Variants in COL13A1 observed in about 807,000 individuals in gnomAD.
COL13A1 encodes collagen type XIII alpha 1 chain, also known as collagen alpha-1(XIII) chain.
Under a neutral mutation model 130.9 loss-of-function variants are expected in COL13A1, and 89 were observed. The observed-to-expected ratio is 0.68, with a 90% confidence interval of 0.57 to 0.81. COL13A1 has a LOEUF of 0.81. Ranked by LOEUF, COL13A1 falls within the 30% of genes least tolerant of loss-of-function variation. COL13A1 has a pLI of 0.00. For synonymous variants in COL13A1, 402 were observed against 341.6 expected, an observed-to-expected ratio of 1.18 and a Z score of -1.95; for missense variants, 879 against 934.6, an observed-to-expected ratio of 0.94 and a Z score of 0.78.
intron 4 of COL13A1, among the ~76,000 whole-genome samples, chr10:69,872,416 T>C (rs1249139341): frequency 6.6e-6 from 1 of 152,194 alleles, no homozygotes; most frequent in Non-Finnish European, 1.5e-5. Context: ...CTGGGGCATC[T>C]TTAGCTACAG....
intron 2 of COL13A1, among the ~76,000 whole-genome samples, chr10:69,835,788 G>C (rs1319845906): frequency 6.6e-6 from 1 of 152,222 alleles, no homozygotes; most frequent in Non-Finnish European, 1.5e-5. Context: ...GCTTGTCCAG[G>C]GAGCATGGAG....
intron 19 of COL13A1, 122 bp from the exon 20 acceptor site, chr10:69,918,940 C>A: frequency 8.9e-7 from 1 of 1,127,156 alleles, no homozygotes; most frequent in East Asian, 2.3e-5. Context: ...AGAGCCGGGG[C>A]TGGCCAGATG....
intron 37 of COL13A1, 145 bp from the exon 38 acceptor site, chr10:69,947,162 T>C: frequency 1.4e-6 from 1 of 722,112 alleles, no homozygotes; most frequent in Admixed American, 2.5e-5. Context: ...TTTGCTTCTC[T>C]GTCCCCTTTC....
chr10:69,889,415 G>C lies in COL13A1; in HGVS notation c.578G>C (p.Gly193Ala), dbSNP rs866871119. The C allele has an allele frequency of 6.2e-7, 1 of 1,611,268 alleles. No homozygotes were observed. The highest frequency in any genetic ancestry group is 8.5e-7 in the Non-Finnish European group (1 of 1,178,972). ...GTACTCACCCTCTTCTCCTTCCAGGGCCACCCAGGACCAAAGGGCGACATG... is the reference window on the plus strand; with the variant it reads ...GTACTCACCCTCTTCTCCTTCCAGGCCCACCCAGGACCAAAGGGCGACATG... Reference protein sequence around the residue: ...PGPIGLDGKPGHPGPKGDMGL... With the variant: ...PGPIGLDGKPAHPGPKGDMGL... The change falls in exon 10 of 41, where the codon GGC (glycine) becomes GCC (alanine). Residue 193 changes from glycine (G) to alanine (A), a missense_variant and splice_region_variant. Transcript: ENST00000645393.
At position 69,838,889 on chromosome 10, in the gene COL13A1, TGA is replaced by T. The variant is rs1422782183; in HGVS notation, c.364+16453_364+16454del. ...TAAAATGAGCCTGAGACAGCCTCAC[TGA>T]GTAGCTTGGCGAAGCCAGTGAGTTC... On this transcript the variant is annotated intron_variant, in intron 2 of 40. Coordinates refer to ENST00000645393, the MANE Select transcript of COL13A1 (RefSeq NM_001368882.1). 2.6e-5 allele frequency among the ~76,000 whole-genome samples: 4 copies of T among 152,374 alleles called. No individual in the cohort carries two copies. In the South Asian group the frequency reaches 8.3e-4, roughly 32 times the overall value.
chr10:69,898,066 G>C (rs2061828952), intron 13 of COL13A1, among the ~76,000 whole-genome samples: 1 of 152,162 alleles, frequency 6.6e-6, no homozygotes, highest in Non-Finnish European at 1.5e-5. Context: ...GCCCACGCTG[G>C]CCTCACCCTC....
At chr10:69,927,167 C>T in intron 27 of COL13A1, 57 bp downstream of exon 27, 3 of 1,607,688 alleles carry the variant, frequency 1.9e-6, no homozygotes, top group Non-Finnish European at 2.6e-6. Context: ...CTGGGGATGG[C>T]AGCCTGGAAG....
intron 27 of COL13A1, 35 bp downstream of exon 27, chr10:69,927,145 T>A: frequency 1.3e-6 from 2 of 1,598,322 alleles, no homozygotes; most frequent in Non-Finnish European, 1.7e-6. Context: ...CCTTGGGCAC[T>A]GGACGGGGGG....
chr10:69,832,285 A>C (rs1356812300), intron 2 of COL13A1, among the ~76,000 whole-genome samples: 1 of 152,160 alleles, frequency 6.6e-6, no homozygotes, highest in Non-Finnish European at 1.5e-5. Context: ...AGGTATACCC[A>C]CCCTTAAAGA....
At chr10:69,869,404 T>C (rs1032200717) in intron 3 of COL13A1, among the ~76,000 whole-genome samples, 8 of 152,186 alleles carry the variant, frequency 5.3e-5, no homozygotes, top group African/African-American at 1.4e-4. Context: ...AATCACCTCC[T>C]CAGCCCTGTT....
At chr10:69,919,626 C>A in intron 20 of COL13A1, 39 bp from the exon 21 acceptor site, 1 of 398,790 alleles carries the variant, frequency 2.5e-6, no homozygotes, top group Non-Finnish European at 4.4e-6. Context: ...ACTGCCTGCC[C>A]CATCTTCTTA....
rs182838015 is a variant in COL13A1, at chr10:69,889,572, T to C, written c.603+132T>C. 131 of 1,155,728 alleles carry C rather than the reference T, an allele frequency of 1.1e-4. No homozygotes were observed. The African/African-American group carries it at 1.8e-3, about 16-fold the overall frequency. 71.6% of individuals were successfully genotyped at this position (1,155,728 alleles called of 1,614,324 possible). Reference sequence around the variant, plus strand: ...CTGTCCATGCTGGTCACTCCCCAGCTGTGTAAACCACATGCCCTGGATCCT... The same window carrying C: ...CTGTCCATGCTGGTCACTCCCCAGCCGTGTAAACCACATGCCCTGGATCCT... On this transcript the variant is annotated intron_variant, in intron 10 of 40. Coordinates refer to ENST00000645393, the MANE Select transcript of COL13A1 (RefSeq NM_001368882.1).
In COL13A1 at chr10:69,802,135, A is replaced by G; in HGVS notation, c.-289A>G. On this transcript the variant is annotated 5_prime_UTR_variant, in exon 1 of 41. Transcript: ENST00000645393. The stretch of plus-strand genomic sequence containing the variant: ...ACTTGAAGGGAAAGACTGGGCGGAG[A>G]GAAGGAGAGCCGGTCAGATTCCCCT... 1 of 376,384 alleles carries G rather than the reference A, an allele frequency of 2.7e-6. No individual in the cohort carries two copies. Among genetic ancestry groups the G allele is most frequent in the Non-Finnish European group, 4.7e-6 (1 of 213,518 alleles). 23.3% of individuals were successfully genotyped at this position (376,384 alleles called of 1,614,324 possible).
chr10:69,820,127 A>G (rs1041120258), intron 1 of COL13A1, among the ~76,000 whole-genome samples: 1 of 152,066 alleles, frequency 6.6e-6, no homozygotes, highest in East Asian at 1.9e-4. Flanking sequence ...ACCTTCCATC[A>G]TTCTCTGTCC....
chr10:69,927,062 T>G (rs1217836096), intron 26 of COL13A1, 25 bp from the exon 27 acceptor site: 2 of 1,613,780 alleles, frequency 1.2e-6, no homozygotes, highest in Non-Finnish European at 8.5e-7. Flanking sequence ...GCTCTTCAAC[T>G]GATTGCCTGG....
intron 23 of COL13A1, 111 bp from the exon 24 acceptor site, chr10:69,923,691 A>G: frequency 7.3e-7 from 1 of 1,379,146 alleles, no homozygotes; most frequent in Non-Finnish European, 1.0e-6. Context: ...CATCAGGGAA[A>G]GAGAAGTCCA....
chr10:69,810,234 C>A (rs1359240799), intron 1 of COL13A1, among the ~76,000 whole-genome samples: 1 of 152,106 alleles, frequency 6.6e-6, no homozygotes, highest in Non-Finnish European at 1.5e-5. Flanking sequence ...ACACGCCAGG[C>A]CAATTGTTCC....
intron 21 of COL13A1, among the ~76,000 whole-genome samples, chr10:69,921,547 T>C (rs1332347993): frequency 6.6e-6 from 1 of 152,144 alleles, no homozygotes; most frequent in Non-Finnish European, 1.5e-5. Context: ...ACTGCTCACC[T>C]CTCCCAGGAG....
intron 1 of COL13A1, among the ~76,000 whole-genome samples, chr10:69,816,401 T>A (rs1216731823): frequency 6.6e-6 from 1 of 151,514 alleles, no homozygotes; most frequent in East Asian, 1.9e-4. Flanking sequence ...TTTGCCAGGC[T>A]AATTCTGAGA....
Sources: allele counts gnomAD v4.1 joint callset (sites outside exome capture counted in the v4.1 genomes callset), GRCh38; gene constraint gnomAD v4.1.1; transcripts MANE v1.5; gene names NCBI Gene and HGNC (gene_info 2026-07-23, HGNC 2026-07-21).